The following PLPP1 variants were observed in gnomAD, a reference collection of about 807,000 sequenced individuals.
PLPP1 encodes phospholipid phosphatase 1, also known as lipid phosphate phosphohydrolase 1a.
A neutral mutation model predicts 31.2 loss-of-function variants in PLPP1; 24 were observed. The observed-to-expected ratio is 0.77, with a 90% CI of 0.56 to 1.08. PLPP1 has a LOEUF of 1.08. Ranked by LOEUF, PLPP1 falls within the 50% of genes least tolerant of loss-of-function variation. The pLI is 0.00. For missense variants in PLPP1, 319 were observed against 342.7 expected (o/e 0.93, Z 0.55); for synonymous variants, 146 against 126.3 (o/e 1.16, Z -1.05).
At chr5:55,511,451 T>C (rs1417493948) in intron 1 of PLPP1, among the ~76,000 whole-genome samples, 3 of 152,110 alleles carry the variant, frequency 2.0e-5, no homozygotes, top group African/African-American at 7.2e-5. Context: ...TATGTATACA[T>C]GCAGTAATAT....
chr5:55,497,338 T>C (rs137920428), intron 1 of PLPP1, among the ~76,000 whole-genome samples: 1 of 152,210 alleles, frequency 6.6e-6, no homozygotes, highest in East Asian at 1.9e-4. Flanking sequence ...CTTGAACTCT[T>C]GGGCTCAGGC....
chr5:55,468,611 G>A (rs1752355134), intron 2 of PLPP1, among the ~76,000 whole-genome samples: 1 of 151,954 alleles, frequency 6.6e-6, no homozygotes, highest in African/African-American at 2.4e-5. Flanking sequence ...AGACCAGCCT[G>A]GCCAACATGG....
chr5:55,457,980 A>G (rs910878241), intron 3 of PLPP1, among the ~76,000 whole-genome samples: 1 of 152,162 alleles, frequency 6.6e-6, no homozygotes, highest in Non-Finnish European at 1.5e-5. Context: ...TGGCTGAGAG[A>G]AAAGATTAGA....
chr5:55,508,619 T>C (rs1482433464), intron 1 of PLPP1, among the ~76,000 whole-genome samples: 1 of 152,110 alleles, frequency 6.6e-6, no homozygotes, highest in African/African-American at 2.4e-5. Flanking sequence ...ATAAACAGGG[T>C]GAAATTAAAA....
At chr5:55,525,510 TA>T (rs1287431674) in intron 1 of PLPP1, among the ~76,000 whole-genome samples, 1 of 152,136 alleles carries the variant, frequency 6.6e-6, no homozygotes, top group African/African-American at 2.4e-5. Context: ...TTTGTTTGTT[TA>T]AAAAAATAGA....
At chr5:55,456,220 T>C (rs1314638237) in intron 3 of PLPP1, among the ~76,000 whole-genome samples, 3 of 152,200 alleles carry the variant, frequency 2.0e-5, no homozygotes, top group African/African-American at 2.4e-5. Context: ...GTTTAGGACC[T>C]AATGGTCACT....
At chr5:55,469,344 C>A (rs1752371462) in intron 2 of PLPP1, among the ~76,000 whole-genome samples, 1 of 151,534 alleles carries the variant, frequency 6.6e-6, no homozygotes, top group Non-Finnish European at 1.5e-5. Context: ...AAAAAATTAG[C>A]CAGGAGTGGT....
At chr5:55,432,372 G>T (rs1751379786) in intron 4 of PLPP1, among the ~76,000 whole-genome samples, 1 of 152,048 alleles carries the variant, frequency 6.6e-6, no homozygotes, top group African/African-American at 2.4e-5. Context: ...CCAATAATGA[G>T]TAATGAGATT....
At chr5:55,483,059 A>T (rs1752702954) in intron 1 of PLPP1, among the ~76,000 whole-genome samples, 1 of 152,144 alleles carries the variant, frequency 6.6e-6, no homozygotes, top group Non-Finnish European at 1.5e-5. Flanking sequence ...CAACAATTCA[A>T]CCCAAAAAAT....
intron 1 of PLPP1, among the ~76,000 whole-genome samples, chr5:55,488,165 TAAGATTGATAAA>T (rs1349894982): frequency 2.0e-5 from 3 of 151,408 alleles, no homozygotes; most frequent in Non-Finnish European, 2.9e-5. Context: ...AGTTTGATAC[TAAGATTGATAAA>T]AAGATTGATA....
chr5:55,457,871 A>G (rs1752055760), intron 3 of PLPP1, among the ~76,000 whole-genome samples: 1 of 144,666 alleles, frequency 6.9e-6, no homozygotes, highest in Non-Finnish European at 1.5e-5. Flanking sequence ...CCTGGGTGAC[A>G]CAGCGAGACT....
intron 1 of PLPP1, among the ~76,000 whole-genome samples, chr5:55,531,422 T>C (rs1740663517): frequency 6.6e-6 from 1 of 152,198 alleles, no homozygotes; most frequent in South Asian, 2.1e-4. Context: ...AATTATAAAG[T>C]AGTTGTACAA....
At chr5:55,494,492 G>A (rs1399545360) in intron 1 of PLPP1, among the ~76,000 whole-genome samples, 1 of 152,098 alleles carries the variant, frequency 6.6e-6, no homozygotes, top group African/African-American at 2.4e-5. Context: ...CTGCCTTTGG[G>A]GCAATCTGGC....
At chr5:55,517,861 T>C (rs1045274261) in intron 1 of PLPP1, among the ~76,000 whole-genome samples, 1 of 152,158 alleles carries the variant, frequency 6.6e-6, no homozygotes, top group African/African-American at 2.4e-5. Flanking sequence ...TCTTTTTTGT[T>C]GTTGAGACAT....
intron 4 of PLPP1, among the ~76,000 whole-genome samples, chr5:55,429,051 G>C (rs1358261674): frequency 6.6e-6 from 1 of 152,002 alleles, no homozygotes; most frequent in East Asian, 1.9e-4. Flanking sequence ...CTTACACCAG[G>C]CATCACCCAG....
intron 1 of PLPP1, among the ~76,000 whole-genome samples, chr5:55,521,164 C>T (rs1753657446): frequency 6.6e-6 from 1 of 151,820 alleles, no homozygotes; most frequent in African/African-American, 2.4e-5. Context: ...ACCAGTCTGG[C>T]CAACATGGTG....
intron 3 of PLPP1, among the ~76,000 whole-genome samples, chr5:55,444,741 T>TGTGTGTGTGTGTGTGTGTGTGTG (rs1554037408): frequency 1.3e-3 from 9 of 6,978 alleles, no homozygotes; most frequent in African/African-American, 2.0e-3. Context: ...TGGGATTCTA[T>TGTGTGTGTGTGTGTGTGTGTGTG]TTTGTGTGTG....
At chr5:55,502,233 A>C (rs1753161524) in intron 1 of PLPP1, among the ~76,000 whole-genome samples, 1 of 149,146 alleles carries the variant, frequency 6.7e-6, no homozygotes, top group African/African-American at 2.6e-5. Flanking sequence ...TCATGCCTGT[A>C]ATCCCAGCAC....
At chr5:55,532,686 C>T (rs1287135336) in intron 1 of PLPP1, among the ~76,000 whole-genome samples, 4 of 152,178 alleles carry the variant, frequency 2.6e-5, no homozygotes, top group South Asian at 2.1e-4. Context: ...CAGTTGGGCG[C>T]GGTGGTTGAC....
Sources: allele counts gnomAD v4.1 joint callset (sites outside exome capture counted in the v4.1 genomes callset), GRCh38; gene constraint gnomAD v4.1.1; transcripts MANE v1.5; gene names NCBI Gene and HGNC (gene_info 2026-07-23, HGNC 2026-07-21).